The following YIPF6 variants were observed in gnomAD, a reference collection of about 807,000 sequenced individuals.
YIPF6 encodes the protein Yip1 domain family member 6.
YIPF6 carries 3 observed loss-of-function variants against 16.8 expected under a neutral mutation model. That is an observed-to-expected ratio of 0.18 (90% CI 0.08 to 0.46). The LOEUF (loss-of-function observed/expected upper bound fraction) is 0.46, where lower values mean the gene tolerates loss of function less well. Ranked by LOEUF, YIPF6 falls within the 20% of genes least tolerant of loss-of-function variation. The probability of loss-of-function intolerance (pLI) is 0.98; values close to 1 mark genes in which losing one functional copy is unlikely to be tolerated. For synonymous variants in YIPF6, 67 were observed against 61.9 expected (o/e 1.08, Z -0.38); for missense variants, 145 against 184.9 (o/e 0.78, Z 1.25).
chrX:68,525,155 T>C (rs1266884225), intron 6 of YIPF6, among the ~76,000 whole-genome samples: 1 of 112,275 alleles, frequency 8.9e-6, no homozygotes, highest in Non-Finnish European at 1.9e-5. Flanking sequence ...ATCTGTTGTT[T>C]CCTGACTTTT....
chrX:68,511,574 C>T (rs778451153), intron 1 of YIPF6, among the ~76,000 whole-genome samples: 29 of 112,135 alleles, frequency 2.6e-4, no homozygotes, highest in Non-Finnish European at 4.5e-4. Flanking sequence ...CTCAGTCTTG[C>T]TAGCTTGTGC....
At chrX:68,521,596 C>A in intron 5 of YIPF6, 99 bp downstream of exon 5, 1 of 866,012 alleles carries the variant, frequency 1.2e-6, no homozygotes, top group Non-Finnish European at 1.6e-6. Flanking sequence ...TTTTTTGAGA[C>A]AGGGTGTCAC....
In YIPF6 at chrX:68,534,100, A is replaced by G. The variant is rs1347411959; in HGVS notation, c.*2101A>G. Reference sequence around the variant, plus strand: ...TCTTTGCTCTTGGGTGACTTAGGGAATGATTTTATTTGATTTAACCTTCTT... The same window carrying G: ...TCTTTGCTCTTGGGTGACTTAGGGAGTGATTTTATTTGATTTAACCTTCTT... On this transcript the variant is annotated 3_prime_UTR_variant, in exon 7 of 7. Coordinates refer to ENST00000462683, the MANE Select transcript of YIPF6 (RefSeq NM_173834.4). 2 of 112,089 alleles carry G rather than the reference A, an allele frequency of 1.8e-5. No homozygotes were observed. The highest frequency in any genetic ancestry group is 6.5e-5 in the African/African-American group (2 of 30,900). 9.2% of individuals were successfully genotyped at this position (112,089 alleles called of 1,213,427 possible).
At chrX:68,506,326 CCCTA>C (rs1193539918) in intron 1 of YIPF6, among the ~76,000 whole-genome samples, 4 of 110,999 alleles carry the variant, frequency 3.6e-5, no homozygotes, top group African/African-American at 1.3e-4. Context: ...TCTTCTACAG[CCCTA>C]CCTACTTTCT....
At chrX:68,517,004 T>A (rs1005510360) in intron 3 of YIPF6, among the ~76,000 whole-genome samples, 2 of 110,654 alleles carry the variant, frequency 1.8e-5, no homozygotes, top group Non-Finnish European at 3.8e-5. Context: ...TATTTTTAGT[T>A]AGAGACGGGA....
chrX:68,521,576 ATTTT>A, intron 5 of YIPF6, 79 bp downstream of exon 5: 7 of 896,812 alleles, frequency 7.8e-6, no homozygotes, highest in Admixed American at 3.5e-5. Context: ...GGCTAGCTAG[ATTTT>A]TTTTTTTTTT....
At position 68,537,012 on chromosome X, in the gene YIPF6, CTA is replaced by C. The variant is rs1444737631; in HGVS notation, c.*5015_*5016del. 3.6e-5 allele frequency: 4 copies of C among 111,650 alleles called. No homozygotes were observed. Among genetic ancestry groups the C allele is most frequent in the African/African-American group, 1.3e-4 (4 of 30,721 alleles). 9.2% of individuals were successfully genotyped at this position (111,650 alleles called of 1,213,427 possible). A position where few individuals can be genotyped will look rare whatever the true frequency, so the allele number is the denominator to read the frequency against. ...AGAATGCCTTTCTATTTGGGTTAAA[CTA>C]TGTGGGAGGAAAAAGTAACAGAGTA... is the stretch of plus-strand genomic sequence containing the variant. On this transcript the variant is annotated 3_prime_UTR_variant, in exon 7 of 7. Transcript: ENST00000462683.
chrX:68,523,412 G>A (rs1038969298), intron 6 of YIPF6, among the ~76,000 whole-genome samples: 2 of 111,948 alleles, frequency 1.8e-5, no homozygotes, highest in Non-Finnish European at 3.8e-5. Flanking sequence ...CAGAGAAGTT[G>A]AGCAGCTTGC....
At chrX:68,518,441 C>A (rs1398137634) in intron 3 of YIPF6, among the ~76,000 whole-genome samples, 3 of 111,489 alleles carry the variant, frequency 2.7e-5, no homozygotes, top group African/African-American at 9.8e-5. Flanking sequence ...TGGCTATAGT[C>A]TTTTTTTCTT....
At position 68,506,583 on chromosome X, in the gene YIPF6, C is replaced by T. The variant is rs1033269341; in HGVS notation, c.58-5266C>T. ...GGTGTGGTGGCACATGCTTACAGTCCCAGCTACTTGAAAGGCTGAGATGGG... is the reference window on the plus strand; with the variant it reads ...GGTGTGGTGGCACATGCTTACAGTCTCAGCTACTTGAAAGGCTGAGATGGG... On this transcript the variant is annotated intron_variant, in intron 1 of 6. Coordinates refer to ENST00000462683, the MANE Select transcript of YIPF6 (RefSeq NM_173834.4). 4.5e-5 allele frequency among the ~76,000 whole-genome samples: 5 copies of T among 110,111 alleles called. No individual in the cohort carries two copies. The Admixed American group carries it at 4.9e-4, about 11-fold the overall frequency.
At chrX:68,501,064 A>AT (rs2079039499) in intron 1 of YIPF6, among the ~76,000 whole-genome samples, 1 of 112,003 alleles carries the variant, frequency 8.9e-6, no homozygotes, top group East Asian at 2.8e-4. Context: ...ATTACTCAAT[A>AT]TGCAATCCGC....
chrX:68,516,363 C>T (rs192925935), intron 3 of YIPF6, among the ~76,000 whole-genome samples: 124 of 110,758 alleles, frequency 1.1e-3, no homozygotes, highest in African/African-American at 3.8e-3. Flanking sequence ...TTTGTTTATA[C>T]CAGCATCACC....
chrX:68,531,806 G>A (rs982836517), intron 6 of YIPF6, 75 bp from the exon 7 acceptor site: 2 of 709,922 alleles, frequency 2.8e-6, no homozygotes, highest in South Asian at 2.7e-5. Flanking sequence ...GCTCATGAAT[G>A]TTTAGTAAAT....
intron 1 of YIPF6, among the ~76,000 whole-genome samples, chrX:68,511,596 T>G (rs1268018543): frequency 8.9e-6 from 1 of 112,265 alleles, no homozygotes; most frequent in Admixed American, 9.5e-5. Context: ...ATGTGAAGAT[T>G]TTATGCTAAA....
At chrX:68,518,892 T>C (rs2079114623) in intron 4 of YIPF6, 80 bp downstream of exon 4, 2 of 952,670 alleles carry the variant, frequency 2.1e-6, no homozygotes, top group African/African-American at 2.0e-5. Flanking sequence ...TGGGGGATTT[T>C]GATTGAATAT....
At position 68,522,923 on chromosome X, in the gene YIPF6, T is replaced by C; in HGVS notation, c.592+6T>C. On this transcript the variant is annotated splice_donor_region_variant and intron_variant, in intron 6 of 6. Transcript: ENST00000462683. ...GTTTGCCTGGTCTATAGTTGGTAAG[T>C]ATGTACTTATTTCCACAATAACAGA... is the stretch of plus-strand genomic sequence containing the variant. 8.3e-7 allele frequency: 1 copy of C among 1,208,519 alleles called. No individual in the cohort carries two copies. Among genetic ancestry groups the C allele is most frequent in the Non-Finnish European group, 1.1e-6 (1 of 894,614 alleles).
In YIPF6 at chrX:68,522,744, G is replaced by A; in HGVS notation, c.435-16G>A. 8.4e-7 allele frequency: 1 copy of A among 1,186,412 alleles called. No homozygotes were observed. The highest frequency in any genetic ancestry group is 2.4e-4 in the Middle Eastern group (1 of 4,244). ...AGTTGTATTTATGATCTTTATTAATGTATTTTGTTTTTAAGATCTTTTTTT... is the reference window on the plus strand; with the variant it reads ...AGTTGTATTTATGATCTTTATTAATATATTTTGTTTTTAAGATCTTTTTTT... On this transcript the variant is annotated splice_polypyrimidine_tract_variant and intron_variant, in intron 5 of 6. Coordinates refer to ENST00000462683, the MANE Select transcript of YIPF6 (RefSeq NM_173834.4).
At chrX:68,522,678 A>G in intron 5 of YIPF6, 82 bp from the exon 6 acceptor site, 1 of 943,400 alleles carries the variant, frequency 1.1e-6, no homozygotes, top group Non-Finnish European at 1.4e-6. Flanking sequence ...ATTCCGTTAC[A>G]TAGAGAAATC....
At chrX:68,518,367 A>G (rs1283402932) in intron 3 of YIPF6, among the ~76,000 whole-genome samples, 1 of 110,573 alleles carries the variant, frequency 9.0e-6, no homozygotes, top group Non-Finnish European at 1.9e-5. Flanking sequence ...CATTTTTTGT[A>G]TTTGTGAACT....
Sources: allele counts gnomAD v4.1 joint callset (sites outside exome capture counted in the v4.1 genomes callset), GRCh38; gene constraint gnomAD v4.1.1; transcripts MANE v1.5; gene names NCBI Gene and HGNC (gene_info 2026-07-23, HGNC 2026-07-21).